Variants in EIF4G3 observed in about 807,000 individuals in gnomAD.
EIF4G3 encodes the protein eIF-4-gamma 3.
EIF4G3 carries 34 observed loss-of-function variants against 186.4 expected under a neutral mutation model. That is an observed-to-expected ratio of 0.18 (90% CI 0.14 to 0.24). The LOEUF is 0.24. Ranked by LOEUF, EIF4G3 falls within the 10% of genes least tolerant of loss-of-function variation. EIF4G3 has a pLI of 1.00. For missense variants in EIF4G3, 1,536 were observed against 1,948.5 expected (o/e 0.79, Z 3.99); for synonymous variants, 673 against 679.5 (o/e 0.99, Z 0.15).
At chr1:21,127,534 G>A (rs762266170) in intron 2 of EIF4G3, among the ~76,000 whole-genome samples, 14 of 152,246 alleles carry the variant, frequency 9.2e-5, no homozygotes, top group South Asian at 4.1e-4. Context: ...TACCTGGTAC[G>A]CAGCAGACAT....
rs529778972 is a variant in EIF4G3, at chr1:21,087,810, T to C, written c.-196+1328A>G. On this transcript the variant is annotated intron_variant, in intron 3 of 36. Transcript: ENST00000602326. Reference sequence around the variant, plus strand: ...CACCATGTCCGGCTAATTTTTTCTATTTTTAGTAGAGACGGGGTTTCACTG... The same window carrying C: ...CACCATGTCCGGCTAATTTTTTCTACTTTTAGTAGAGACGGGGTTTCACTG... Among the ~76,000 whole-genome samples, 52 of 152,172 alleles carry C rather than the reference T, an allele frequency of 3.4e-4. 1 individual carries two copies. The highest frequency in any genetic ancestry group is 1.2e-3 in the African/African-American group (50 of 41,536).
intron 20 of EIF4G3, among the ~76,000 whole-genome samples, chr1:20,871,437 A>T (rs2079167984): frequency 1.3e-5 from 2 of 152,158 alleles, no homozygotes; most frequent in Non-Finnish European, 2.9e-5. Context: ...ACACTGCCAA[A>T]TGTCCTGAAG....
At chr1:20,942,469 C>T in intron 13 of EIF4G3, 139 bp from the exon 14 acceptor site, 1 of 718,864 alleles carries the variant, frequency 1.4e-6, no homozygotes, top group Admixed American at 3.7e-5. Flanking sequence ...TTCTGGTATG[C>T]CAAAAACATT....
chr1:20,812,606 A>C (rs2059472355), intron 35 of EIF4G3, among the ~76,000 whole-genome samples: 1 of 152,162 alleles, frequency 6.6e-6, no homozygotes. Context: ...AATAATGTTA[A>C]ACATTGTATA....
chr1:21,042,472 T>C (rs899240515), intron 4 of EIF4G3, among the ~76,000 whole-genome samples: 13 of 152,312 alleles, frequency 8.5e-5, no homozygotes, highest in African/African-American at 3.1e-4. Flanking sequence ...TCACTGAAAT[T>C]CACAGTTCTT....
At chr1:20,960,657 G>T (rs570560434) in intron 12 of EIF4G3, among the ~76,000 whole-genome samples, 11 of 152,248 alleles carry the variant, frequency 7.2e-5, no homozygotes, top group Admixed American at 2.0e-4. Flanking sequence ...GAAGGCTGAG[G>T]TGGAGGTGGG....
chr1:21,020,894 G>A (rs1401066551), intron 4 of EIF4G3, among the ~76,000 whole-genome samples: 1 of 152,104 alleles, frequency 6.6e-6, no homozygotes, highest in Non-Finnish European at 1.5e-5. Flanking sequence ...ATCAACCACT[G>A]GGTAGTTCTA....
chr1:21,036,802 GC>G (rs1263133556), intron 4 of EIF4G3, among the ~76,000 whole-genome samples: 1 of 152,102 alleles, frequency 6.6e-6, no homozygotes, highest in Non-Finnish European at 1.5e-5. Flanking sequence ...GATGGTTTGA[GC>G]CCAGGAGGTA....
chr1:21,085,089 C>G (rs1035850464), intron 3 of EIF4G3, among the ~76,000 whole-genome samples: 1 of 150,460 alleles, frequency 6.6e-6, no homozygotes, highest in African/African-American at 2.4e-5. Flanking sequence ...ATACAAAAAG[C>G]TGATACGAGA....
chr1:21,094,806 A>AAT (rs1557933309), intron 2 of EIF4G3, among the ~76,000 whole-genome samples: 5 of 117,706 alleles, frequency 4.2e-5, no homozygotes, highest in East Asian at 2.7e-4. Context: ...ATAATAATAA[A>AAT]AGCCAGGATT....
At chr1:20,998,348 A>C (rs972062520) in intron 6 of EIF4G3, among the ~76,000 whole-genome samples, 2 of 152,106 alleles carry the variant, frequency 1.3e-5, no homozygotes, top group African/African-American at 4.8e-5. Context: ...GATTAATCCA[A>C]GTGGTATTCT....
At chr1:20,982,566 T>A in intron 7 of EIF4G3, 158 bp from the exon 8 acceptor site, 1 of 522,838 alleles carries the variant, frequency 1.9e-6, no homozygotes. Flanking sequence ...AAAATCAGAA[T>A]GACAGTTCTT....
Position 20,951,752 on chromosome 1 carries a change from A to AGC in EIF4G3, c.715-1642_715-1641insGC, listed in dbSNP as rs549189595. Among the ~76,000 whole-genome samples, 10 of 150,778 alleles carry AGC rather than the reference A, an allele frequency of 6.6e-5. 1 individual carries two copies. The highest frequency in any genetic ancestry group is 1.3e-4 in the Admixed American group (2 of 15,132). Reference sequence around the variant, plus strand: ...CTGGGAAATTAATAACCAAATAAAAAGGGGGGGGCAGGGTAAGTGCTAAAA... The same window carrying AGC: ...CTGGGAAATTAATAACCAAATAAAAAGCGGGGGGGGCAGGGTAAGTGCTAAAA... On this transcript the variant is annotated intron_variant, in intron 12 of 36. Coordinates refer to ENST00000602326, the MANE Select transcript of EIF4G3 (RefSeq NM_001391906.1).
intron 2 of EIF4G3, among the ~76,000 whole-genome samples, chr1:21,140,575 G>C (rs374136959): frequency 1.3e-5 from 2 of 152,236 alleles, no homozygotes; most frequent in East Asian, 1.9e-4. Flanking sequence ...CTCCCAAAGT[G>C]CTGGGATTAT....
rs755270163 is a variant in EIF4G3 at position 20,810,810 on chromosome 1, A to C, written c.4672T>G (p.Ser1558Ala). The C allele has an allele frequency of 1.7e-5, 28 of 1,613,996 alleles. No individual in the cohort carries two copies. The highest frequency in any genetic ancestry group is 6.7e-5 in the Admixed American group (4 of 59,990). Residue 1558 changes from serine to alanine, a missense_variant, in exon 36 of 37, where the codon TCA becomes GCA. Ser to Ala is a moderately conservative substitution (Grantham distance 99). Coordinates refer to ENST00000602326, the MANE Select transcript of EIF4G3 (RefSeq NM_001391906.1). The surrounding 1 kb of genome is among the most constrained non-coding windows in gnomAD (Gnocchi z 4.1). ...GCTTGCAGTTCCTTCTCTGTATCTG[A>C]GTCTAGGTACTTGAGTAAGATCGGC... Reference protein sequence around the residue: ...RVPILLKYLDSDTEKELQALY... With the variant: ...RVPILLKYLDADTEKELQALY...
intron 12 of EIF4G3, among the ~76,000 whole-genome samples, chr1:20,954,288 A>G (rs1273136808): frequency 6.6e-6 from 1 of 152,178 alleles, no homozygotes; most frequent in Non-Finnish European, 1.5e-5. Flanking sequence ...CTCTAATCCC[A>G]GCACTTTGGG....
intron 12 of EIF4G3, 146 bp downstream of exon 12, chr1:20,969,328 T>C: frequency 2.4e-6 from 2 of 838,428 alleles, no homozygotes; most frequent in Non-Finnish European, 3.5e-6. Context: ...AGAAAAAACA[T>C]GTCTGTTTAA....
At chr1:20,823,389 ATTTTT>A (rs1245687374) in intron 33 of EIF4G3, among the ~76,000 whole-genome samples, 1 of 151,602 alleles carries the variant, frequency 6.6e-6, no homozygotes, top group African/African-American at 2.4e-5. Context: ...TATTTATTTT[ATTTTT>A]TATTTTTGAT....
intron 14 of EIF4G3, among the ~76,000 whole-genome samples, chr1:20,927,739 A>G (rs2095018862): frequency 6.6e-6 from 1 of 152,238 alleles, no homozygotes; most frequent in Non-Finnish European, 1.5e-5. Flanking sequence ...CAGAATCACT[A>G]CTTCCAAAAC....
Sources: gnomAD v4.1 joint callset for allele counts (sites outside exome capture counted in the v4.1 genomes callset) on GRCh38, gnomAD v4.1.1 for gene constraint, Gnocchi (gnomAD v3.1) non-coding constraint, MANE v1.5 for transcripts, NCBI Gene and HGNC (gene_info 2026-07-23, HGNC 2026-07-21) for gene names.